The following LARGE1 variants were observed in gnomAD, a reference collection of about 807,000 sequenced individuals.
LARGE1 encodes LARGE xylosyl- and glucuronyltransferase 1.
LARGE1 carries 43 observed loss-of-function variants against 87.6 expected under a neutral mutation model. The ratio of observed to expected loss-of-function variants is 0.49; its 90% CI spans 0.38 to 0.63. The LOEUF (loss-of-function observed/expected upper bound fraction) is 0.63. Among genes scored for constraint, LARGE1 ranks in the 30% least tolerant of loss-of-function variants. LARGE1 has a pLI of 0.00. For missense variants in LARGE1, 802 were observed against 1,000.2 expected, an observed-to-expected ratio of 0.80 and a Z score of 2.67; for synonymous variants, 434 against 394.6, an observed-to-expected ratio of 1.10 and a Z score of -1.18.
chr22:33,369,458 G>GT (rs71812022), intron 9 of LARGE1, among the ~76,000 whole-genome samples: 22,327 of 151,658 alleles, frequency 0.15, 3,547 homozygotes, highest in African/African-American at 0.4. Flanking sequence ...TATTTTCTTG[G>GT]TTTTTTTTTC....
chr22:33,717,577 A>T (rs2082949946), intron 2 of LARGE1, among the ~76,000 whole-genome samples: 1 of 152,212 alleles, frequency 6.6e-6, no homozygotes, highest in Non-Finnish European at 1.5e-5. Flanking sequence ...TCCACTTGAG[A>T]ACACTCAAAT....
intron 5 of LARGE1, among the ~76,000 whole-genome samples, chr22:33,571,137 A>G (rs1263097463): frequency 6.6e-6 from 1 of 152,226 alleles, no homozygotes; most frequent in African/African-American, 2.4e-5. Flanking sequence ...AGCATGGTCT[A>G]AACTTCAATC....
intron 4 of LARGE1, among the ~76,000 whole-genome samples, chr22:33,606,508 C>T (rs1340512946): frequency 6.6e-6 from 1 of 152,064 alleles, no homozygotes; most frequent in East Asian, 1.9e-4. Flanking sequence ...CCTTTTAGCT[C>T]TCGGCCGTCG....
chr22:33,855,714 A>G (rs966697160), intron 1 of LARGE1, among the ~76,000 whole-genome samples: 2 of 152,188 alleles, frequency 1.3e-5, no homozygotes, highest in Non-Finnish European at 2.9e-5. Flanking sequence ...TTCGAAGTGG[A>G]GCAAATGAAA....
intron 1 of LARGE1, among the ~76,000 whole-genome samples, chr22:33,880,904 A>C (rs2064660519): frequency 3.3e-5 from 5 of 152,174 alleles, no homozygotes; most frequent in Admixed American, 3.3e-4. Flanking sequence ...TTATACGTGA[A>C]TGTACTTTTT....
At chr22:33,384,666 T>G (rs1308688490) in intron 7 of LARGE1, among the ~76,000 whole-genome samples, 1 of 148,648 alleles carries the variant, frequency 6.7e-6, no homozygotes, top group Non-Finnish European at 1.5e-5. Flanking sequence ...TAGCATTGTA[T>G]GGAGATGGAC....
rs1380198814 is a variant in LARGE1, at chr22:33,900,579, T to A, written c.-83+19416A>T. On this transcript the variant is annotated intron_variant, in intron 1 of 14. Coordinates refer to ENST00000397394, the MANE Select transcript of LARGE1 (RefSeq NM_133642.5). Reference sequence around the variant, plus strand: ...CCTTGTTTCACAGAGGAGAAAAAAATGAAGCTCAGACAGTATTAAGGGTTG... The same window carrying A: ...CCTTGTTTCACAGAGGAGAAAAAAAAGAAGCTCAGACAGTATTAAGGGTTG... Among the ~76,000 whole-genome samples the A allele has an allele frequency of 2.0e-5, 3 of 152,050 alleles. No individual in the cohort carries two copies. In the South Asian group the frequency reaches 6.2e-4, roughly 31 times the overall value.
intron 6 of LARGE1, among the ~76,000 whole-genome samples, chr22:33,489,871 A>G (rs2069751570): frequency 6.6e-6 from 1 of 152,154 alleles, no homozygotes; most frequent in Non-Finnish European, 1.5e-5. Context: ...AGATGAATGG[A>G]AGTGCTAAGT....
At chr22:33,704,525 G>T (rs1285914768) in intron 2 of LARGE1, among the ~76,000 whole-genome samples, 1 of 152,134 alleles carries the variant, frequency 6.6e-6, no homozygotes, top group Admixed American at 6.5e-5. Context: ...ACCCTCATCT[G>T]CCGGGAGCCT....
At chr22:33,270,331 A>C (rs2145777787), downstream of LARGE1, among the ~76,000 whole-genome samples, 1 of 152,272 alleles carries the variant, frequency 6.6e-6, no homozygotes, top group South Asian at 2.1e-4. Flanking sequence ...GAGGAAAACG[A>C]AGTATATGAA....
At chr22:33,369,267 G>A (rs2064714811) in intron 9 of LARGE1, among the ~76,000 whole-genome samples, 1 of 152,202 alleles carries the variant, frequency 6.6e-6, no homozygotes, top group Admixed American at 6.5e-5. Flanking sequence ...GACATTCTCA[G>A]ATAGGATTTA....
At chr22:33,397,090 C>T (rs1424607893) in intron 7 of LARGE1, among the ~76,000 whole-genome samples, 3 of 152,050 alleles carry the variant, frequency 2.0e-5, no homozygotes, top group Non-Finnish European at 4.4e-5. Flanking sequence ...AAAACCTACC[C>T]AATATCTTGC....
chr22:33,360,623 C>A (rs1442767253), intron 9 of LARGE1, among the ~76,000 whole-genome samples: 2 of 149,602 alleles, frequency 1.3e-5, no homozygotes, highest in African/African-American at 2.5e-5. Context: ...ATGATCCAAG[C>A]ACCTCCCAGC....
At chr22:33,121,801 G>A in the LARGE1 span, among the ~76,000 whole-genome samples, 1 of 152,190 alleles carries the variant, frequency 6.6e-6, no homozygotes, top group African/African-American at 2.4e-5. Context: ...CATGGCTGGG[G>A]AGGCCTCACT....
Position 33,699,841 on chromosome 22 carries a change from T to C in LARGE1, c.107-49173A>G, listed in dbSNP as rs138117899. ...ACACTCAGCAGCATCTAAGGTTAGGTGAATTTGTTTGGAAAAAAATTGAAA... is the reference window on the plus strand; with the variant it reads ...ACACTCAGCAGCATCTAAGGTTAGGCGAATTTGTTTGGAAAAAAATTGAAA... On this transcript the variant is annotated intron_variant, in intron 2 of 14. Transcript: ENST00000397394. Among the ~76,000 whole-genome samples, 655 of 152,298 alleles carry C rather than the reference T, an allele frequency of 4.3e-3. 7 individuals carry two copies. Among genetic ancestry groups the C allele is most frequent in the African/African-American group, 0.015 (634 of 41,566 alleles).
intron 11 of LARGE1, among the ~76,000 whole-genome samples, chr22:33,188,258 C>T (rs560654416): frequency 6.4e-4 from 97 of 152,176 alleles, no homozygotes; most frequent in Non-Finnish European, 1.2e-3. Context: ...ACGAAATTAA[C>T]GAGAAACTCT....
At chr22:33,573,214 G>A (rs2078257033) in intron 5 of LARGE1, among the ~76,000 whole-genome samples, 1 of 152,140 alleles carries the variant, frequency 6.6e-6, no homozygotes, top group Non-Finnish European at 1.5e-5. Flanking sequence ...CGAGGCGGAT[G>A]GACCACCTGA....
chr22:33,752,704 T>C (rs1010940990), intron 2 of LARGE1, among the ~76,000 whole-genome samples: 5 of 152,290 alleles, frequency 3.3e-5, no homozygotes, highest in Admixed American at 6.5e-5. Context: ...CTCTGCTCTG[T>C]CCATAAAGGA....
At chr22:33,862,457 C>T (rs901163230) in intron 1 of LARGE1, among the ~76,000 whole-genome samples, 2 of 152,128 alleles carry the variant, frequency 1.3e-5, no homozygotes, top group African/African-American at 4.8e-5. Flanking sequence ...CAAAGAGGCT[C>T]CTGGCCTTGA....
Sources: allele counts gnomAD v4.1 joint callset (sites outside exome capture counted in the v4.1 genomes callset), GRCh38; gene constraint gnomAD v4.1.1; transcripts MANE v1.5; gene names NCBI Gene and HGNC (gene_info 2026-07-23, HGNC 2026-07-21).